AMN1: variants seen among roughly 807,000 people sequenced by gnomAD.
AMN1 encodes antagonist of mitotic exit network 1 homolog.
In AMN1, 20 loss-of-function variants were observed where a neutral mutation model predicts 33.0. That is an observed-to-expected ratio of 0.61 (90% CI 0.43 to 0.88). The LOEUF (loss-of-function observed/expected upper bound fraction) is 0.88, where lower values mean the gene tolerates loss of function less well. AMN1 is among the 40% of genes least tolerant of loss of function. The pLI is 0.00. For synonymous variants in AMN1, 114 were observed against 111.9 expected, an observed-to-expected ratio of 1.02 and a Z score of -0.12; for missense variants, 246 against 307.4, an observed-to-expected ratio of 0.80 and a Z score of 1.49.
In AMN1 at chr12:31,697,974, T is replaced by C. The variant is rs75785251; in HGVS notation, c.317-17A>G. The C allele has an allele frequency of 4.0e-4, 637 of 1,610,526 alleles. 6 individuals carry two copies. The East Asian group carries it at 0.014, about 36-fold the overall frequency. ...CTTTTATTCCTGGGGGAAAATATAA[T>C]TATATATCAATGAGCTATATGTGTG... On this transcript the variant is annotated splice_polypyrimidine_tract_variant and intron_variant, in intron 3 of 6. Transcript: ENST00000281471.
At chr12:31,690,001 C>G (rs60942371) in intron 5 of AMN1, among the ~76,000 whole-genome samples, 6 of 152,148 alleles carry the variant, frequency 3.9e-5, no homozygotes, top group Non-Finnish European at 8.8e-5. Context: ...TGAGTGAGAA[C>G]GTATGATGTT....
intron 5 of AMN1, among the ~76,000 whole-genome samples, chr12:31,691,323 A>C (rs1490819485): frequency 6.6e-6 from 1 of 152,106 alleles, no homozygotes. Flanking sequence ...ATTATAGAAA[A>C]GCCAAAACAA....
rs78016577 is a variant in AMN1 at position 31,701,785 on chromosome 12, G to T, written c.316+78C>A. The T allele has an allele frequency of 1.2e-3, 1,467 of 1,227,508 alleles. 19 individuals carry two copies. The African/African-American group carries it at 0.02, about 17-fold the overall frequency. 76.0% of individuals were successfully genotyped at this position (1,227,508 alleles called of 1,614,324 possible). On this transcript the variant is annotated intron_variant, in intron 3 of 6. Coordinates refer to ENST00000281471, the MANE Select transcript of AMN1 (RefSeq NM_001113402.2). ...TGACTTCTTCATACTCTCTTTTGAC[G>T]TATTTTCTCCCTTACTCCACAATTT... is the stretch of plus-strand genomic sequence containing the variant.
chr12:31,688,995 T>C lies in AMN1; in HGVS notation c.703+12A>G. On this transcript the variant is annotated intron_variant, in intron 6 of 6. Coordinates refer to ENST00000281471, the MANE Select transcript of AMN1 (RefSeq NM_001113402.2). ...AGCCAGAATTTGAACCCAAGCAATC[T>C]ATTGCACTAACCTGTTATCAAGGGG... The C allele has an allele frequency of 6.4e-7, 1 of 1,570,228 alleles. No homozygotes were observed. The highest frequency in any genetic ancestry group is 1.7e-5 in the Admixed American group (1 of 58,940).
chr12:31,683,793 C>T lies in AMN1; in HGVS notation c.703+5214G>A, dbSNP rs538836699. Among the ~76,000 whole-genome samples, 34 of 152,254 alleles carry T rather than the reference C, an allele frequency of 2.2e-4. No individual in the cohort carries two copies. The highest frequency in any genetic ancestry group is 5.8e-4 in the African/African-American group (24 of 41,554). ...TATGTCTGTATCAGCAGTGTGAAAA[C>T]GGACTAATACAATGACTACAGTGTA... On this transcript the variant is annotated intron_variant, in intron 6 of 6. Transcript: ENST00000281471. The surrounding 1 kb of genome is among the most constrained non-coding windows in gnomAD (Gnocchi z 4.1).
intron 3 of AMN1, among the ~76,000 whole-genome samples, chr12:31,700,405 GA>G: frequency 6.6e-6 from 1 of 151,674 alleles, no homozygotes; most frequent in Non-Finnish European, 1.5e-5. Flanking sequence ...ACCAAATATT[GA>G]AAAAAAGAGG....
At chr12:31,673,414 A>G (rs761377781) in intron 6 of AMN1, 4 of 171,520 alleles carry the variant, frequency 2.3e-5, no homozygotes, top group Non-Finnish European at 5.1e-5. Flanking sequence ...AAGGTTTACA[A>G]TTTTTTAAAA....
intron 2 of AMN1, among the ~76,000 whole-genome samples, chr12:31,706,180 C>T (rs1263519759): frequency 1.3e-5 from 2 of 151,516 alleles, no homozygotes; most frequent in Admixed American, 6.6e-5. Flanking sequence ...GGTGTGGTGG[C>T]GGGCGCCTGT....
At chr12:31,696,693 G>C (rs1389776923) in intron 5 of AMN1, among the ~76,000 whole-genome samples, 3 of 152,054 alleles carry the variant, frequency 2.0e-5, no homozygotes, top group African/African-American at 7.2e-5. Context: ...ATGAGAGGCC[G>C]AGGCGGTCGG....
At chr12:31,714,906 C>T (rs1329849631) in intron 1 of AMN1, 1 of 984,098 alleles carries the variant, frequency 1.0e-6, no homozygotes, top group Non-Finnish European at 1.2e-6. Flanking sequence ...GTCACTGCCA[C>T]CAACAACATT....
intron 4 of AMN1, 80 bp from the exon 5 acceptor site, chr12:31,697,497 G>C: frequency 7.2e-7 from 1 of 1,384,510 alleles, no homozygotes; most frequent in Non-Finnish European, 1.0e-6. Context: ...TCATTATTTA[G>C]ATATAGTCTT....
chr12:31,688,941 T>G, intron 6 of AMN1, 66 bp downstream of exon 6: 1 of 1,001,528 alleles, frequency 1.0e-6, no homozygotes, highest in South Asian at 1.4e-5. Flanking sequence ...GGTTAAGTAA[T>G]GTACTCAAGG....
intron 1 of AMN1, among the ~76,000 whole-genome samples, chr12:31,713,203 T>C (rs898276254): frequency 1.1e-4 from 17 of 152,160 alleles, no homozygotes; most frequent in Admixed American, 9.2e-4. Context: ...AGATGTAATG[T>C]TCTCTCTGTG....
At chr12:31,723,225 C>T (rs143115822) in intron 1 of AMN1, among the ~76,000 whole-genome samples, 379 of 152,224 alleles carry the variant, frequency 2.5e-3, no homozygotes, top group Middle Eastern at 0.01. Flanking sequence ...CAAACACACA[C>T]GCACACACAC....
intron 5 of AMN1, among the ~76,000 whole-genome samples, chr12:31,696,561 G>C (rs1938734787): frequency 3.3e-5 from 5 of 152,140 alleles, no homozygotes; most frequent in Admixed American, 3.3e-4. Context: ...TGGGATAAAA[G>C]GCTTCTTAAT....
chr12:31,689,822 T>C (rs906415676), intron 5 of AMN1, among the ~76,000 whole-genome samples: 2 of 152,186 alleles, frequency 1.3e-5, no homozygotes, highest in Admixed American at 1.3e-4. Context: ...AGTAAGTTCT[T>C]TAGTGGTCAT....
chr12:31,699,819 G>C (rs1049780652), intron 3 of AMN1, among the ~76,000 whole-genome samples: 1 of 152,152 alleles, frequency 6.6e-6, no homozygotes, highest in East Asian at 1.9e-4. Flanking sequence ...CCCTTAACTT[G>C]TGGGATCTGA....
chr12:31,698,853 GA>G (rs1938853407), intron 3 of AMN1, among the ~76,000 whole-genome samples: 1 of 151,920 alleles, frequency 6.6e-6, no homozygotes, highest in South Asian at 2.1e-4. Context: ...ACAGAGCTCC[GA>G]AAAGCCTTAT....
chr12:31,709,618 A>G (rs1209189569), intron 1 of AMN1, among the ~76,000 whole-genome samples, 193 bp from the exon 2 acceptor site: 1 of 152,194 alleles, frequency 6.6e-6, no homozygotes, highest in African/African-American at 2.4e-5. Flanking sequence ...CAGGAGTTTG[A>G]GACCAGCCTG....
Sources: gnomAD v4.1 joint callset for allele counts (sites outside exome capture counted in the v4.1 genomes callset) on GRCh38, gnomAD v4.1.1 for gene constraint, Gnocchi (gnomAD v3.1) non-coding constraint, MANE v1.5 for transcripts, NCBI Gene and HGNC (gene_info 2026-07-23, HGNC 2026-07-21) for gene names.